Variants in PDE1C observed in about 807,000 individuals in gnomAD.
The protein encoded by PDE1C is phosphodiesterase 1C.
In PDE1C, 62 loss-of-function variants were observed where a neutral mutation model predicts 93.1. The ratio of observed to expected loss-of-function variants is 0.67; its 90% CI spans 0.54 to 0.82. The LOEUF is 0.82. Ranked by LOEUF, PDE1C falls within the 40% of genes least tolerant of loss-of-function variation. The pLI is 0.00. For synonymous variants in PDE1C, 325 were observed against 310.1 expected, an observed-to-expected ratio of 1.05 and a Z score of -0.50; for missense variants, 742 against 884.6, an observed-to-expected ratio of 0.84 and a Z score of 2.04.
chr7:32,424,642 C>CA (rs746960240), intron 1 of PDE1C, among the ~76,000 whole-genome samples: 1 of 151,956 alleles, frequency 6.6e-6, no homozygotes, highest in African/African-American at 2.4e-5. Flanking sequence ...CCTGTCTTTA[C>CA]AAAAAATAGA....
chr7:31,881,773 G>A (rs1797277940), intron 2 of PDE1C, among the ~76,000 whole-genome samples: 1 of 152,144 alleles, frequency 6.6e-6, no homozygotes, highest in Non-Finnish European at 1.5e-5. Context: ...GAAGAGCAAA[G>A]TATGAAATTT....
At chr7:32,260,450 G>A (rs559808340) in intron 1 of PDE1C, among the ~76,000 whole-genome samples, 6 of 152,198 alleles carry the variant, frequency 3.9e-5, no homozygotes, top group African/African-American at 7.2e-5. Flanking sequence ...AAAGGCCCCC[G>A]TGAAACATGG....
At chr7:32,424,936 G>C (rs1228350013) in intron 1 of PDE1C, among the ~76,000 whole-genome samples, 2 of 152,112 alleles carry the variant, frequency 1.3e-5, no homozygotes. Flanking sequence ...ACAAGTTTTA[G>C]AACCAGACAA....
chr7:31,928,174 G>A (rs543816853), intron 2 of PDE1C, among the ~76,000 whole-genome samples: 9 of 151,834 alleles, frequency 5.9e-5, no homozygotes, highest in South Asian at 2.1e-4. Context: ...TTGATCAAGC[G>A]GAAGAAAGGA....
chr7:32,142,819 G>T (rs762332097), intron 3 of PDE1C, among the ~76,000 whole-genome samples: 4 of 152,124 alleles, frequency 2.6e-5, no homozygotes, highest in Non-Finnish European at 5.9e-5. Flanking sequence ...AAGAAATAAA[G>T]TATTTGTGTG....
At chr7:32,248,477 G>C (rs1025153462) in intron 1 of PDE1C, among the ~76,000 whole-genome samples, 2 of 152,204 alleles carry the variant, frequency 1.3e-5, no homozygotes, top group African/African-American at 4.8e-5. Flanking sequence ...AATTGAAATA[G>C]CAGCTTGATT....
chr7:32,246,224 C>A (rs541967161), intron 1 of PDE1C, among the ~76,000 whole-genome samples: 104 of 152,196 alleles, frequency 6.8e-4, no homozygotes, highest in African/African-American at 2.4e-3. Flanking sequence ...TTGCCTTGGC[C>A]CCCCAAAGTG....
the PDE1C span, among the ~76,000 whole-genome samples, chr7:31,709,031 T>A: frequency 3.3e-5 from 5 of 152,158 alleles, no homozygotes; most frequent in African/African-American, 4.8e-5. Context: ...GGTCTATGGA[T>A]AAGAGGATAG....
At chr7:31,703,311 A>G in the PDE1C span, among the ~76,000 whole-genome samples, 1 of 152,252 alleles carries the variant, frequency 6.6e-6, no homozygotes, top group African/African-American at 2.4e-5. Context: ...TTCAAGGAAC[A>G]GCCTAACGGG....
At chr7:32,208,096 G>A (rs75954233) in intron 2 of PDE1C, among the ~76,000 whole-genome samples, 3,038 of 152,280 alleles carry the variant, frequency 0.02, 102 homozygotes, top group African/African-American at 0.068. Context: ...CATGAGAAGC[G>A]AGTGTTTTAT....
chr7:32,090,658 T>C (rs1797421412), intron 3 of PDE1C, among the ~76,000 whole-genome samples: 1 of 152,200 alleles, frequency 6.6e-6, no homozygotes, highest in Admixed American at 6.5e-5. Context: ...GATGCCCTTT[T>C]AGATGTCCTT....
At chr7:31,868,453 A>T (rs1483033147) in intron 6 of PDE1C, among the ~76,000 whole-genome samples, 1 of 152,194 alleles carries the variant, frequency 6.6e-6, no homozygotes, top group African/African-American at 2.4e-5. Context: ...AAGCAAGAAG[A>T]AAAAAGTTCA....
intron 1 of PDE1C, among the ~76,000 whole-genome samples, chr7:32,414,354 AC>A (rs1241323464): frequency 6.6e-6 from 1 of 152,218 alleles, no homozygotes; most frequent in Non-Finnish European, 1.5e-5. Flanking sequence ...AAAGTAAAAA[AC>A]ATTACATTAT....
At chr7:32,314,914 A>G (rs1464594850) in intron 1 of PDE1C, among the ~76,000 whole-genome samples, 1 of 151,468 alleles carries the variant, frequency 6.6e-6, no homozygotes, top group African/African-American at 2.4e-5. Flanking sequence ...TTCACCTCAA[A>G]TTGGACAATA....
the PDE1C span, among the ~76,000 whole-genome samples, chr7:31,645,714 G>T: frequency 6.6e-6 from 1 of 152,130 alleles, no homozygotes; most frequent in Admixed American, 6.6e-5. Context: ...ACTCCCAGAT[G>T]ACATTTCGTG....
Position 32,070,267 on chromosome 7 carries a change from CAGG to C in PDE1C, c.101+23_101+25del, listed in dbSNP as rs776993812. On this transcript the variant is annotated intron_variant, in intron 1 of 17. Coordinates refer to ENST00000396191, the MANE Select transcript of PDE1C (RefSeq NM_001191057.4). ...ATAAGGATGGGAGCGGGAAATGGGG[CAGG>C]AGAAGTAAATAGGTATACTTACAGC... 8.2e-5 allele frequency: 133 copies of C among 1,613,590 alleles called. No individual in the cohort carries two copies. In the East Asian group the frequency reaches 2.0e-3, roughly 24 times the overall value.
intron 1 of PDE1C, among the ~76,000 whole-genome samples, chr7:32,221,709 G>A (rs189517662): frequency 6.6e-6 from 1 of 151,518 alleles, no homozygotes; most frequent in East Asian, 1.9e-4. Flanking sequence ...GGAATTTAAT[G>A]CTCAATTCTC....
intron 3 of PDE1C, among the ~76,000 whole-genome samples, chr7:32,095,964 T>A (rs966199661): frequency 6.6e-6 from 1 of 152,208 alleles, no homozygotes; most frequent in Non-Finnish European, 1.5e-5. Flanking sequence ...CATAATATTA[T>A]GTTGCATATA....
intron 3 of PDE1C, among the ~76,000 whole-genome samples, chr7:32,119,237 TCTAA>T (rs941350610): frequency 6.6e-6 from 1 of 152,056 alleles, no homozygotes; most frequent in African/African-American, 2.4e-5. Context: ...CTGCAAACAC[TCTAA>T]CTACTAAGCC....
Sources: allele counts gnomAD v4.1 joint callset (sites outside exome capture counted in the v4.1 genomes callset), GRCh38; gene constraint gnomAD v4.1.1; transcripts MANE v1.5; gene names NCBI Gene and HGNC (gene_info 2026-07-23, HGNC 2026-07-21).